VWC2: variants seen among roughly 807,000 people sequenced by gnomAD.
VWC2 encodes the protein brorin.
VWC2 carries 14 observed loss-of-function variants against 29.8 expected under a neutral mutation model. The observed-to-expected ratio is 0.47, with a 90% CI of 0.31 to 0.74. VWC2 has a LOEUF of 0.74. Among genes scored for constraint, VWC2 ranks in the 30% least tolerant of loss-of-function variants. The pLI is 0.05. For missense variants in VWC2, 457 were observed against 459.8 expected (o/e 0.99, Z 0.05); for synonymous variants, 213 against 199.0 (o/e 1.07, Z -0.59).
At chr7:49,795,055 A>G (rs1011170336) in intron 2 of VWC2, among the ~76,000 whole-genome samples, 2 of 152,098 alleles carry the variant, frequency 1.3e-5, no homozygotes, top group Non-Finnish European at 2.9e-5. Context: ...TGACTCGTGT[A>G]TTTCTTTATA....
At position 49,916,767 on chromosome 7, in the gene VWC2, C is replaced by CT; in HGVS notation, c.*4582_*4583insT. On this transcript the variant is annotated 3_prime_UTR_variant, in exon 4 of 4. Transcript: ENST00000340652. ...AAAAACTCCCATTACTGTTTGCCAACCCAGTTGTCTTTTGATTTCTCTGTC... is the reference window on the plus strand; with the variant it reads ...AAAAACTCCCATTACTGTTTGCCAACTCCAGTTGTCTTTTGATTTCTCTGTC... The CT allele has an allele frequency of 6.6e-6, 1 of 152,194 alleles. No individual in the cohort carries two copies. The highest frequency in any genetic ancestry group is 1.5e-5 in the Non-Finnish European group (1 of 68,012). 9.4% of individuals were successfully genotyped at this position (152,194 alleles called of 1,614,324 possible).
intron 3 of VWC2, among the ~76,000 whole-genome samples, chr7:49,882,426 A>G (rs1207386227): frequency 2.0e-5 from 3 of 152,196 alleles, no homozygotes; most frequent in Non-Finnish European, 4.4e-5. Context: ...GTCTTTTTCC[A>G]TATACATCCT....
intron 3 of VWC2, among the ~76,000 whole-genome samples, chr7:49,817,281 T>G (rs967179214): frequency 6.6e-6 from 1 of 152,226 alleles, no homozygotes; most frequent in Non-Finnish European, 1.5e-5. Flanking sequence ...GAAAAATCAA[T>G]TGTCACAATA....
chr7:49,832,512 A>G (rs574686467), intron 3 of VWC2, among the ~76,000 whole-genome samples: 1 of 152,176 alleles, frequency 6.6e-6, no homozygotes, highest in African/African-American at 2.4e-5. Flanking sequence ...GGGAACAAAA[A>G]GTGTATTGGT....
chr7:49,862,422 T>C (rs914785530), intron 3 of VWC2, among the ~76,000 whole-genome samples: 3 of 152,172 alleles, frequency 2.0e-5, no homozygotes, highest in South Asian at 4.1e-4. Flanking sequence ...TGAATAGAGA[T>C]AGTTTTATTT....
chr7:49,917,340 T>C lies in VWC2; in HGVS notation c.*5155T>C, dbSNP rs1001659650. 17 of 152,318 alleles carry C rather than the reference T, an allele frequency of 1.1e-4. No individual in the cohort carries two copies. Among genetic ancestry groups the C allele is most frequent in the Non-Finnish European group, 1.9e-4 (13 of 68,014 alleles). The allele number at this position is 152,318 out of a possible 1,614,324, so 9.4% of individuals were successfully genotyped here. A position where few individuals can be genotyped will look rare whatever the true frequency, so the allele number is the denominator to read the frequency against. On this transcript the variant is annotated 3_prime_UTR_variant, in exon 4 of 4. Transcript: ENST00000340652. The stretch of plus-strand genomic sequence containing the variant: ...CTAATTTTTAAATGAACAAATCCCA[T>C]TGAATATTAAGTGACACTGACAATC...
chr7:49,779,055 G>GAGAC (rs377674383), intron 2 of VWC2, among the ~76,000 whole-genome samples: 10 of 151,316 alleles, frequency 6.6e-5, no homozygotes, highest in East Asian at 3.9e-4. Context: ...GAGAGAGAGA[G>GAGAC]AGAGACAGAG....
intron 3 of VWC2, among the ~76,000 whole-genome samples, chr7:49,809,373 T>G (rs1257632786): frequency 6.6e-6 from 1 of 151,928 alleles, no homozygotes; most frequent in Non-Finnish European, 1.5e-5. Flanking sequence ...AAATTAATAA[T>G]TAAGAGCTTC....
At chr7:49,827,064 A>G (rs1029468983) in intron 3 of VWC2, among the ~76,000 whole-genome samples, 11 of 152,062 alleles carry the variant, frequency 7.2e-5, no homozygotes, top group Non-Finnish European at 1.2e-4. Flanking sequence ...CATTTTCATA[A>G]TATTCCCAAG....
chr7:49,843,599 A>G (rs1583665253), intron 3 of VWC2, among the ~76,000 whole-genome samples: 2 of 152,358 alleles, frequency 1.3e-5, no homozygotes. Flanking sequence ...TTGTATGTAC[A>G]GAAAGGTTTC....
In VWC2 at chr7:49,919,180, G is replaced by A. The variant is rs1793890048; in HGVS notation, c.*6995G>A. Reference sequence around the variant, plus strand: ...CTGCTTCCAAATATTCTTCCCTGGGGAGCAGCTGTGAGTCTTACTGAATCG... The same window carrying A: ...CTGCTTCCAAATATTCTTCCCTGGGAAGCAGCTGTGAGTCTTACTGAATCG... On this transcript the variant is annotated 3_prime_UTR_variant, in exon 4 of 4. Coordinates refer to ENST00000340652, the MANE Select transcript of VWC2 (RefSeq NM_198570.5). The A allele has an allele frequency of 6.6e-6, 1 of 152,146 alleles. No individual in the cohort carries two copies. Among genetic ancestry groups the A allele is most frequent in the South Asian group, 2.1e-4 (1 of 4,830 alleles). The allele number at this position is 152,146 out of a possible 1,614,324, so 9.4% of individuals were successfully genotyped here.
At chr7:49,854,819 T>A (rs999143475) in intron 3 of VWC2, among the ~76,000 whole-genome samples, 10 of 152,220 alleles carry the variant, frequency 6.6e-5, no homozygotes, top group Non-Finnish European at 1.2e-4. Context: ...ATGCTCTAGA[T>A]AAATTGGTGC....
chr7:49,791,633 G>A (rs375040380), intron 2 of VWC2, among the ~76,000 whole-genome samples: 2 of 152,134 alleles, frequency 1.3e-5, no homozygotes, highest in East Asian at 1.9e-4. Flanking sequence ...CCAAACCTAC[G>A]GCCATTTTTC....
chr7:49,844,392 C>T (rs1458330556), intron 3 of VWC2, among the ~76,000 whole-genome samples: 5 of 152,196 alleles, frequency 3.3e-5, no homozygotes, highest in African/African-American at 7.2e-5. Flanking sequence ...TCTGTCAGAA[C>T]GATCGGCTTT....
At chr7:49,799,009 G>A (rs890992428) in intron 2 of VWC2, among the ~76,000 whole-genome samples, 1 of 152,208 alleles carries the variant, frequency 6.6e-6, no homozygotes, top group African/African-American at 2.4e-5. Flanking sequence ...CAGCATTGAG[G>A]GGGCATAGGC....
chr7:49,890,755 AG>A (rs1792094140), intron 3 of VWC2, among the ~76,000 whole-genome samples: 1 of 152,000 alleles, frequency 6.6e-6, no homozygotes, highest in African/African-American at 2.4e-5. Flanking sequence ...CTGATTTGAA[AG>A]CATGAGAGAA....
rs550664727 is a variant in VWC2 at position 49,840,750 on chromosome 7, C to T, written c.826+37910C>T. Among the ~76,000 whole-genome samples the T allele has an allele frequency of 1.6e-4, 25 of 152,174 alleles. 1 individual carries two copies. The South Asian group carries it at 5.2e-3, about 32-fold the overall frequency. On this transcript the variant is annotated intron_variant, in intron 3 of 3. Transcript: ENST00000340652. ...TCTTTTATTGTTCATTTTTGTGGATCCGGCATTCAAGAAAACTCTCCAAAA... is the reference window on the plus strand; with the variant it reads ...TCTTTTATTGTTCATTTTTGTGGATTCGGCATTCAAGAAAACTCTCCAAAA...
At chr7:49,870,538 A>T (rs1791105189) in intron 3 of VWC2, among the ~76,000 whole-genome samples, 1 of 152,242 alleles carries the variant, frequency 6.6e-6, no homozygotes, top group South Asian at 2.1e-4. Flanking sequence ...AGAGGTGAGT[A>T]AGTGGGAGTG....
intron 3 of VWC2, among the ~76,000 whole-genome samples, chr7:49,833,563 G>A (rs1789584789): frequency 6.6e-6 from 1 of 152,218 alleles, no homozygotes; most frequent in Non-Finnish European, 1.5e-5. Context: ...TAGGAAAGGT[G>A]ATTGGGAGTG....
Sources: gnomAD v4.1 joint callset for allele counts (sites outside exome capture counted in the v4.1 genomes callset) on GRCh38, gnomAD v4.1.1 for gene constraint, MANE v1.5 for transcripts, NCBI Gene and HGNC (gene_info 2026-07-23, HGNC 2026-07-21) for gene names.